GP6: variants seen among roughly 807,000 people sequenced by gnomAD.
The protein encoded by GP6 is platelet glycoprotein VI.
Under a neutral mutation model 37.3 loss-of-function variants are expected in GP6, and 45 were observed. The observed-to-expected ratio is 1.21, with a 90% confidence interval of 0.95 to 1.55. The LOEUF (loss-of-function observed/expected upper bound fraction) is 1.55. GP6 is among the 40% of genes most tolerant of loss of function. The pLI is 0.00. For missense variants in GP6, 813 were observed against 760.2 expected (o/e 1.07, Z -0.82); for synonymous variants, 340 against 316.4 (o/e 1.07, Z -0.79).
intron 3 of GP6, 108 bp from the exon 4 acceptor site, chr19:55,027,970 C>T: frequency 9.0e-7 from 1 of 1,117,070 alleles, no homozygotes; most frequent in Non-Finnish European, 1.4e-6. Flanking sequence ...TGGCTGTATC[C>T]CTCCCAGAGA....
chr19:55,028,746 G>A (rs546419514), intron 3 of GP6, among the ~76,000 whole-genome samples: 60 of 152,276 alleles, frequency 3.9e-4, no homozygotes, highest in African/African-American at 1.4e-3. Flanking sequence ...TGATTCCAGG[G>A]TCTCCGCTCC....
chr19:55,030,462 C>T (rs1369977134), intron 3 of GP6, among the ~76,000 whole-genome samples: 4 of 152,166 alleles, frequency 2.6e-5, no homozygotes, highest in African/African-American at 9.7e-5. Context: ...CCTCAGCCTC[C>T]GGAGTAGCTG....
chr19:55,015,189 A>C, intron 7 of GP6, 24 bp from the exon 8 acceptor site: 1 of 1,551,498 alleles, frequency 6.4e-7, no homozygotes, highest in Non-Finnish European at 8.7e-7. Flanking sequence ...GAGAGGCAGG[A>C]GCAGGTGAAA....
At chr19:55,025,379 AGTAGCTTACATCACT>A in intron 4 of GP6, 108 bp from the exon 5 acceptor site, 3 of 754,366 alleles carry the variant, frequency 4.0e-6, no homozygotes, top group Non-Finnish European at 7.2e-6. Flanking sequence ...ATGAGCCTAA[AGTAGCTTACATCACT>A]GGACTGTTGT....
intron 5 of GP6, among the ~76,000 whole-genome samples, chr19:55,019,882 G>C (rs905379717): frequency 6.6e-5 from 10 of 152,018 alleles, no homozygotes; most frequent in Non-Finnish European, 1.0e-4. Context: ...GTTTCACCGT[G>C]TTAGCCAGGA....
At chr19:55,025,728 G>A (rs1342810698) in intron 4 of GP6, among the ~76,000 whole-genome samples, 6 of 151,094 alleles carry the variant, frequency 4.0e-5, no homozygotes, top group Non-Finnish European at 7.4e-5. Context: ...TTAGCCAGGC[G>A]TGGTGGCTCA....
chr19:55,021,674 C>G (rs1028959692), intron 5 of GP6, among the ~76,000 whole-genome samples: 1 of 151,968 alleles, frequency 6.6e-6, no homozygotes, highest in African/African-American at 2.4e-5. Context: ...GCGCCCGCCA[C>G]CACGCCCGGC....
At chr19:55,015,814 C>T (rs1183631375) in intron 6 of GP6, 81 bp from the exon 7 acceptor site, 5 of 793,724 alleles carry the variant, frequency 6.3e-6, no homozygotes, top group Non-Finnish European at 9.1e-6. Context: ...AACACACACA[C>T]ACATGGGGAG....
At chr19:55,029,099 A>G (rs1165300092) in intron 3 of GP6, among the ~76,000 whole-genome samples, 5 of 110,724 alleles carry the variant, frequency 4.5e-5, no homozygotes, top group Non-Finnish European at 9.5e-5. Context: ...AAAGAAAGAA[A>G]GAGGAAGGAA....
At chr19:55,019,520 C>A (rs919375766) in intron 5 of GP6, among the ~76,000 whole-genome samples, 1 of 152,106 alleles carries the variant, frequency 6.6e-6, no homozygotes, top group East Asian at 1.9e-4. Flanking sequence ...TCATAGTCAT[C>A]CTAGTTGGCA....
chr19:55,021,772 G>A (rs1164630838), intron 5 of GP6, among the ~76,000 whole-genome samples: 2 of 151,916 alleles, frequency 1.3e-5, no homozygotes, highest in Admixed American at 6.6e-5. Flanking sequence ...TGCCTGCCTC[G>A]GCCTCCCAAA....
At position 55,015,029 on chromosome 19, in the gene GP6, A is replaced by C; in HGVS notation, c.916T>G (p.Cys306Gly). 6.2e-7 allele frequency: 1 copy of C among 1,611,602 alleles called. No individual in the cohort carries two copies. Among genetic ancestry groups the C allele is most frequent in the East Asian group, 2.2e-5 (1 of 44,766 alleles). The change falls in exon 8 of 8, where the codon TGT becomes GGT. Residue 306 changes from cysteine (C) to glycine (G), a missense_variant. Transcript: ENST00000310373. ...GGAGGGGCGGAAGCGGCCTCTGCAC[A>C]GCCCTGCCCCTGTGCCGCAGGCGCT...
At chr19:55,025,503 C>G (rs927159708) in intron 4 of GP6, among the ~76,000 whole-genome samples, 2 of 152,090 alleles carry the variant, frequency 1.3e-5, no homozygotes, top group Non-Finnish European at 2.9e-5. Context: ...GTCAGGAGTT[C>G]AAGCCCAGCC....
rs769169673 is a variant in GP6 at position 55,014,720 on chromosome 19, C to T, written c.1225G>A (p.Ala409Thr). Residue 409 changes from alanine to threonine, a missense_variant, in exon 8 of 8, where the codon GCA becomes ACA. Coordinates refer to ENST00000310373, the MANE Select transcript of GP6 (RefSeq NM_001083899.2). ...TTCCTTCCATCCCAAATGGAGGGTG[C>T]CCTCAGACAGAGAGGCAGACAGACA... The T allele has an allele frequency of 9.9e-6, 16 of 1,613,684 alleles. No homozygotes were observed. In the Admixed American group the frequency reaches 2.5e-4, roughly 25 times the overall value.
At chr19:55,029,375 T>TATATATATATA in intron 3 of GP6, among the ~76,000 whole-genome samples, 1 of 2,764 alleles carries the variant, frequency 3.6e-4, no homozygotes, top group African/African-American at 1.5e-3. Flanking sequence ...TATATATATA[T>TATATATATATA]TTTTTTTTTT....
chr19:55,028,605 C>T (rs771168007), intron 3 of GP6, among the ~76,000 whole-genome samples: 5 of 152,194 alleles, frequency 3.3e-5, no homozygotes, highest in African/African-American at 4.8e-5. Flanking sequence ...TCAACTTGTA[C>T]ACCTTGGATA....
rs1042363176 is a variant in GP6, at chr19:55,013,994, T to G, written c.*88A>C. 4.2e-6 allele frequency: 2 copies of G among 473,060 alleles called. No homozygotes were observed. The highest frequency in any genetic ancestry group is 4.7e-5 in the Admixed American group (2 of 42,406). The allele number at this position is 473,060 out of a possible 1,614,324, so 29.3% of individuals were successfully genotyped here. On this transcript the variant is annotated 3_prime_UTR_variant, in exon 8 of 8. Coordinates refer to ENST00000310373, the MANE Select transcript of GP6 (RefSeq NM_001083899.2). ...GGGGTGGAGACGGTGCATTATCTTA[T>G]TTTTATGATTTTAAAAATGTATACA...
At chr19:55,021,116 T>C (rs1431526318) in intron 5 of GP6, among the ~76,000 whole-genome samples, 1 of 144,140 alleles carries the variant, frequency 6.9e-6, no homozygotes, top group African/African-American at 2.6e-5. Context: ...CCCAGCACTT[T>C]GGGAGGCCGA....
At chr19:55,033,918 A>AAT (rs1158328027) in intron 1 of GP6, among the ~76,000 whole-genome samples, 1 of 152,028 alleles carries the variant, frequency 6.6e-6, no homozygotes, top group Non-Finnish European at 1.5e-5. Context: ...GATAGGATAT[A>AAT]ATATATATAA....
Sources: allele counts gnomAD v4.1 joint callset (sites outside exome capture counted in the v4.1 genomes callset), GRCh38; gene constraint gnomAD v4.1.1; transcripts MANE v1.5; gene names NCBI Gene and HGNC (gene_info 2026-07-23, HGNC 2026-07-21).